AFDN: variants seen among roughly 807,000 people sequenced by gnomAD.
AFDN encodes afadin, adherens junction formation factor, also known as afadin.
Under a neutral mutation model 216.6 loss-of-function variants are expected in AFDN, and 68 were observed. The ratio of observed to expected loss-of-function variants is 0.31; its 90% CI spans 0.26 to 0.38. The LOEUF (loss-of-function observed/expected upper bound fraction) is 0.38, where lower values mean the gene tolerates loss of function less well. Among genes scored for constraint, AFDN ranks in the 10% least tolerant of loss-of-function variants. The pLI is 1.00. For synonymous variants in AFDN, 868 were observed against 853.7 expected (o/e 1.02, Z -0.29); for missense variants, 2,136 against 2,342.0 (o/e 0.91, Z 1.82).
At chr6:167,830,883 A>C (rs1779748961) in intron 1 of AFDN, among the ~76,000 whole-genome samples, 2 of 150,646 alleles carry the variant, frequency 1.3e-5, no homozygotes, top group East Asian at 3.9e-4. Context: ...ATTCCAGACT[A>C]ATATTAGCTT....
chr6:167,856,027 A>G (rs1030866655), intron 1 of AFDN, among the ~76,000 whole-genome samples: 5 of 152,170 alleles, frequency 3.3e-5, no homozygotes, highest in Admixed American at 1.3e-4. Flanking sequence ...ATAGTGATGA[A>G]ACCTCTGGCT....
chr6:167,943,203 C>T lies in AFDN; in HGVS notation c.3165+9C>T. ...GAGGTGCTGCAGATGTGGTCAGTATCATTTTGAAAGAAGTACATTTTCAGT... is the reference window on the plus strand; with the variant it reads ...GAGGTGCTGCAGATGTGGTCAGTATTATTTTGAAAGAAGTACATTTTCAGT... On this transcript the variant is annotated intron_variant, in intron 24 of 33. Transcript: ENST00000683244. 1 of 1,609,400 alleles carries T rather than the reference C, an allele frequency of 6.2e-7. No individual in the cohort carries two copies. The highest frequency in any genetic ancestry group is 8.5e-7 in the Non-Finnish European group (1 of 1,176,846).
chr6:167,836,541 AT>A (rs1395383582), intron 1 of AFDN, among the ~76,000 whole-genome samples: 49 of 152,358 alleles, frequency 3.2e-4, no homozygotes, highest in Admixed American at 2.7e-3. Context: ...TATTAAAAAA[AT>A]ACGTGTAGTA....
chr6:167,969,864 C>CA lies in AFDN; in HGVS notation c.5427dup (p.Asp1810ArgfsTer5). The CA allele has an allele frequency of 6.2e-7, 1 of 1,612,954 alleles. No individual in the cohort carries two copies. Among genetic ancestry groups the CA allele is most frequent in the East Asian group, 2.2e-5 (1 of 44,848 alleles). The stretch of plus-strand genomic sequence containing the variant: ...ACGCCAGCGTCTTTTTTCACAAGGT[C>CA]AAGATGTATCCAATAAAGTGAAAGC... On this transcript the variant is annotated frameshift_variant, in exon 34 of 34. Coordinates refer to ENST00000683244, the MANE Select transcript of AFDN (RefSeq NM_001386888.1). LOFTEE classifies it high-confidence loss of function.
intron 23 of AFDN, among the ~76,000 whole-genome samples, chr6:167,936,128 T>C (rs4708610): frequency 0.43 from 65,580 of 152,112 alleles, 14,857 homozygotes; most frequent in East Asian, 0.8. Flanking sequence ...ACATTCTTTT[T>C]TCCATACTAA....
chr6:167,850,460 C>T (rs1456335839), intron 1 of AFDN, among the ~76,000 whole-genome samples: 5 of 151,894 alleles, frequency 3.3e-5, no homozygotes, highest in Non-Finnish European at 5.9e-5. Flanking sequence ...TTTTAGTGTA[C>T]TATAAAAAGA....
chr6:167,882,916 C>CAGTA (rs1382215141), intron 6 of AFDN, among the ~76,000 whole-genome samples: 1 of 151,994 alleles, frequency 6.6e-6, no homozygotes, highest in East Asian at 1.9e-4. Context: ...GTCTTCTCAA[C>CAGTA]AGTAACTATG....
chr6:167,969,012 A>T, intron 32 of AFDN, 102 bp from the exon 33 acceptor site: 5 of 895,108 alleles, frequency 5.6e-6, no homozygotes, highest in Non-Finnish European at 9.2e-6. Context: ...CTACTTACTC[A>T]GTAAAGGTAT....
rs143129596 is a variant in AFDN, at chr6:167,889,854, G to A, written c.1009+528G>A. 4.3e-3 allele frequency among the ~76,000 whole-genome samples: 648 copies of A among 152,292 alleles called. 3 individuals carry two copies. Among genetic ancestry groups the A allele is most frequent in the African/African-American group, 0.015 (619 of 41,582 alleles). ...GAAAGATCATTGGTATCTACCAGTA[G>A]TAGAAAACACATTTCATGCTGACTA... On this transcript the variant is annotated intron_variant, in intron 7 of 33. Coordinates refer to ENST00000683244, the MANE Select transcript of AFDN (RefSeq NM_001386888.1).
intron 9 of AFDN, 39 bp downstream of exon 9, chr6:167,893,945 C>G: frequency 7.0e-7 from 1 of 1,431,208 alleles, no homozygotes; most frequent in Non-Finnish European, 9.7e-7. Flanking sequence ...AACTAAAGCA[C>G]TAATAGAACC....
At chr6:167,914,861 C>T (rs1178586015) in intron 18 of AFDN, 123 bp downstream of exon 18, 3 of 699,398 alleles carry the variant, frequency 4.3e-6, no homozygotes, top group South Asian at 2.0e-5. Context: ...TTGGGTTTGG[C>T]AATCTTTAAT....
rs1167174204 is a variant in AFDN at position 167,922,760 on chromosome 6, C to T, written c.2909-96C>T. ...GGTGTAGAGTAAGAAGAATCAATACCGTGTGTTGGATATTAAGCAATTGGT... is the reference window on the plus strand; with the variant it reads ...GGTGTAGAGTAAGAAGAATCAATACTGTGTGTTGGATATTAAGCAATTGGT... On this transcript the variant is annotated intron_variant, in intron 21 of 33. Coordinates refer to ENST00000683244, the MANE Select transcript of AFDN (RefSeq NM_001386888.1). 9.4e-6 allele frequency: 7 copies of T among 744,794 alleles called. No individual in the cohort carries two copies. The South Asian group carries it at 1.0e-4, about 11-fold the overall frequency. The allele number at this position is 744,794 out of a possible 1,614,324, so 46.1% of individuals were successfully genotyped here.
At chr6:167,856,173 A>G (rs1306245129) in intron 1 of AFDN, among the ~76,000 whole-genome samples, 1 of 152,170 alleles carries the variant, frequency 6.6e-6, no homozygotes, top group Non-Finnish European at 1.5e-5. Flanking sequence ...GTGTTCAAGT[A>G]GCGCTTATTT....
chr6:167,947,009 T>G (rs774226218), intron 27 of AFDN, 108 bp downstream of exon 27: 2 of 968,956 alleles, frequency 2.1e-6, no homozygotes, highest in Non-Finnish European at 3.1e-6. Context: ...CTGCAAACAT[T>G]GGCTAACTAG....
In AFDN at chr6:167,864,548, T is replaced by C; in HGVS notation, c.106-3T>C. On this transcript the variant is annotated splice_region_variant and splice_polypyrimidine_tract_variant and intron_variant, in intron 1 of 33. Coordinates refer to ENST00000683244, the MANE Select transcript of AFDN (RefSeq NM_001386888.1). ...AAAAATGTACCATTTTGTTTTCTTT[T>C]AGGATTTGGAGTTCCATGGAGTGAT... 6.2e-7 allele frequency: 1 copy of C among 1,607,280 alleles called. No homozygotes were observed. Among genetic ancestry groups the C allele is most frequent in the Non-Finnish European group, 8.5e-7 (1 of 1,177,032 alleles).
intron 30 of AFDN, among the ~76,000 whole-genome samples, chr6:167,961,908 C>T (rs929620102): frequency 1.1e-4 from 16 of 152,094 alleles, no homozygotes; most frequent in African/African-American, 3.1e-4. Context: ...CCTTGGTCCC[C>T]GGGAAAGATG....
At chr6:167,943,312 A>G in intron 24 of AFDN, 90 bp from the exon 25 acceptor site, 3 of 1,433,862 alleles carry the variant, frequency 2.1e-6, no homozygotes, top group Non-Finnish European at 2.9e-6. Flanking sequence ...GGAAGAACAA[A>G]TAGAGTATCT....
rs1486781667 is a variant in AFDN at position 167,969,269 on chromosome 6, T to G, written c.5342+71T>G. On this transcript the variant is annotated intron_variant, in intron 33 of 33. Coordinates refer to ENST00000683244, the MANE Select transcript of AFDN (RefSeq NM_001386888.1). ...AGCCCTTTCACTCTTCACGACACCT[T>G]GAGATTATGTAAACAGACTTCATGG... is the stretch of plus-strand genomic sequence containing the variant. 3 of 1,162,854 alleles carry G rather than the reference T, an allele frequency of 2.6e-6. No individual in the cohort carries two copies. The African/African-American group carries it at 4.5e-5, about 18-fold the overall frequency. The allele number at this position is 1,162,854 out of a possible 1,614,324, so 72.0% of individuals were successfully genotyped here.
intron 21 of AFDN, among the ~76,000 whole-genome samples, chr6:167,920,795 C>T (rs1030959947): frequency 5.9e-5 from 9 of 152,168 alleles, no homozygotes; most frequent in Non-Finnish European, 1.2e-4. Context: ...TACTCCTGCT[C>T]CTGCTGTTGA....
Sources: gnomAD v4.1 joint callset for allele counts (sites outside exome capture counted in the v4.1 genomes callset) on GRCh38, gnomAD v4.1.1 for gene constraint, MANE v1.5 for transcripts, NCBI Gene and HGNC (gene_info 2026-07-23, HGNC 2026-07-21) for gene names.